PDE4B: variants seen among roughly 807,000 people sequenced by gnomAD.
PDE4B encodes phosphodiesterase 4B.
Under a neutral mutation model 82.2 loss-of-function variants are expected in PDE4B, and 20 were observed. The ratio of observed to expected loss-of-function variants is 0.24; its 90% CI spans 0.17 to 0.35. PDE4B has a LOEUF of 0.35. PDE4B is among the 10% of genes least tolerant of loss of function. The pLI, the probability that PDE4B is intolerant of heterozygous loss-of-function variation, is 1.00. For synonymous variants in PDE4B, 320 were observed against 318.9 expected (o/e 1.00, Z -0.04); for missense variants, 655 against 907.2 (o/e 0.72, Z 3.57).
At position 66,263,049 on chromosome 1, in the gene PDE4B, T is replaced by A. The variant is rs554132833; in HGVS notation, c.585-2989T>A. On this transcript the variant is annotated intron_variant, in intron 6 of 16. Transcript: ENST00000341517. ...TTATTAAAATGCATTATTAATCCAG[T>A]GCGTATGTGTTGAGTACCTCCATCA... Among the ~76,000 whole-genome samples the A allele has an allele frequency of 1.3e-4, 20 of 152,344 alleles. No individual in the cohort carries two copies. In the South Asian group the frequency reaches 3.7e-3, roughly 28 times the overall value.
At chr1:66,036,755 T>C (rs1365937197) in intron 3 of PDE4B, among the ~76,000 whole-genome samples, 1 of 152,196 alleles carries the variant, frequency 6.6e-6, no homozygotes, top group Non-Finnish European at 1.5e-5. Context: ...TGAAATCCTG[T>C]AGCATGACGA....
At chr1:66,191,121 G>T (rs1647764480) in intron 3 of PDE4B, among the ~76,000 whole-genome samples, 1 of 152,164 alleles carries the variant, frequency 6.6e-6, no homozygotes, top group Admixed American at 6.5e-5. Flanking sequence ...ATAATCTTTT[G>T]ATTTTGTTGC....
chr1:66,351,979 C>G (rs192740353), intron 8 of PDE4B, among the ~76,000 whole-genome samples: 16 of 152,158 alleles, frequency 1.1e-4, no homozygotes, highest in Non-Finnish European at 1.9e-4. Flanking sequence ...CCTTCCACCC[C>G]CCGCCGTCTG....
chr1:66,249,181 C>A (rs746272377), intron 4 of PDE4B, among the ~76,000 whole-genome samples: 1 of 152,134 alleles, frequency 6.6e-6, no homozygotes, highest in Non-Finnish European at 1.5e-5. Flanking sequence ...GCATTTCTGA[C>A]AAAAGTTTGA....
chr1:66,230,025 AGGACTCCTG>A (rs1179256170), intron 3 of PDE4B, among the ~76,000 whole-genome samples: 1 of 152,194 alleles, frequency 6.6e-6, no homozygotes, highest in Admixed American at 6.5e-5. Context: ...TCTTCTATAT[AGGACTCCTG>A]GAGTCACTCT....
At chr1:66,098,458 T>C (rs563352343) in intron 3 of PDE4B, among the ~76,000 whole-genome samples, 1 of 152,176 alleles carries the variant, frequency 6.6e-6, no homozygotes, top group Admixed American at 6.6e-5. Context: ...ATTTTCTATT[T>C]CATTATTCCA....
intron 1 of PDE4B, among the ~76,000 whole-genome samples, chr1:65,862,684 CT>C (rs372499926): frequency 6.6e-6 from 1 of 151,778 alleles, no homozygotes; most frequent in Non-Finnish European, 1.5e-5. Flanking sequence ...GGTCCTGGAC[CT>C]TTTTTTGGTT....
At chr1:66,038,516 G>T (rs1245390495) in intron 3 of PDE4B, among the ~76,000 whole-genome samples, 1 of 151,960 alleles carries the variant, frequency 6.6e-6, no homozygotes. Context: ...AGTTCAAGGG[G>T]AAGGATTCAG....
chr1:66,009,925 C>G (rs908491728), intron 3 of PDE4B, among the ~76,000 whole-genome samples: 2 of 145,784 alleles, frequency 1.4e-5, no homozygotes, highest in African/African-American at 5.5e-5. Context: ...ATCTATCTAT[C>G]TATCTATCTA....
At chr1:66,163,556 G>T (rs919762172) in intron 3 of PDE4B, among the ~76,000 whole-genome samples, 17 of 151,898 alleles carry the variant, frequency 1.1e-4, no homozygotes, top group Admixed American at 1.0e-3. Context: ...TCATATTAAA[G>T]AATTACTCAT....
intron 1 of PDE4B, among the ~76,000 whole-genome samples, chr1:65,873,743 C>T (rs890425577): frequency 2.0e-5 from 3 of 152,022 alleles, no homozygotes; most frequent in Non-Finnish European, 4.4e-5. Context: ...TTTATGAAAA[C>T]GTGGAATTCT....
At chr1:65,924,098 G>T (rs1647363081) in intron 3 of PDE4B, among the ~76,000 whole-genome samples, 1 of 1,648 alleles carries the variant, frequency 6.1e-4, no homozygotes, top group Non-Finnish European at 0.036. Context: ...TTTTTGAGAC[G>T]GAGTCTCGCT....
chr1:66,318,083 A>G (rs1219978439), intron 7 of PDE4B, among the ~76,000 whole-genome samples: 1 of 152,162 alleles, frequency 6.6e-6, no homozygotes, highest in Non-Finnish European at 1.5e-5. Flanking sequence ...AGACTGCTTT[A>G]TACATCTGGG....
At chr1:66,158,425 A>G (rs1257626848) in intron 3 of PDE4B, among the ~76,000 whole-genome samples, 1 of 152,200 alleles carries the variant, frequency 6.6e-6, no homozygotes, top group Non-Finnish European at 1.5e-5. Flanking sequence ...ATTCAACATC[A>G]CTAATTGTCA....
intron 3 of PDE4B, among the ~76,000 whole-genome samples, chr1:66,109,766 T>C (rs746670624): frequency 6.6e-6 from 1 of 151,954 alleles, no homozygotes; most frequent in African/African-American, 2.4e-5. Flanking sequence ...GTATTGGTAG[T>C]GATTGGACTT....
In PDE4B at chr1:66,266,081, C is replaced by T; in HGVS notation, c.628C>T (p.Pro210Ser). The change falls in exon 7 of 17, where the codon CCA (proline) becomes TCA (serine). Residue 210 changes from proline (P) to serine (S), a missense_variant. Coordinates refer to ENST00000341517, the MANE Select transcript of PDE4B (RefSeq NM_002600.4). ...TCAGCCTCCTGTCTCCAGAGTCAAC[C>T]CACAAGGTAGGCCATGTCATAAGGT... ...ASQPPVSRVN[P>S]QEESYQKLAM... 1 of 1,611,498 alleles carries T rather than the reference C, an allele frequency of 6.2e-7. No individual in the cohort carries two copies. The highest frequency in any genetic ancestry group is 2.2e-5 in the East Asian group (1 of 44,864).
chr1:66,233,983 C>G (rs1436586182), intron 3 of PDE4B, among the ~76,000 whole-genome samples: 3 of 151,998 alleles, frequency 2.0e-5, no homozygotes, highest in Non-Finnish European at 4.4e-5. Flanking sequence ...GGGTGATTGT[C>G]TTTGATTTTT....
chr1:65,854,298 C>A (rs1235316044), intron 1 of PDE4B, among the ~76,000 whole-genome samples: 1 of 151,388 alleles, frequency 6.6e-6, no homozygotes, highest in Admixed American at 6.6e-5. Context: ...AAATTAGAAG[C>A]AATTTATTTT....
At position 66,347,196 on chromosome 1, in the gene PDE4B, T is replaced by C. The variant is rs117535137; in HGVS notation, c.748-8331T>C. 2.4e-4 allele frequency among the ~76,000 whole-genome samples: 36 copies of C among 152,288 alleles called. No individual in the cohort carries two copies. The East Asian group carries it at 6.9e-3, about 29-fold the overall frequency. ...ACCTTCCGTGAACCTAACAAACCTA[T>C]GCATCTTGAGGTGCATTGTTGTTCA... On this transcript the variant is annotated intron_variant, in intron 8 of 16. Transcript: ENST00000341517.
Sources: allele counts gnomAD v4.1 joint callset (sites outside exome capture counted in the v4.1 genomes callset), GRCh38; gene constraint gnomAD v4.1.1; transcripts MANE v1.5; gene names NCBI Gene and HGNC (gene_info 2026-07-23, HGNC 2026-07-21).